Variants in DIAPH3 observed in about 807,000 individuals in gnomAD.
The protein encoded by DIAPH3 is protein diaphanous homolog 3.
DIAPH3 carries 117 observed loss-of-function variants against 144.3 expected under a neutral mutation model. That is an observed-to-expected ratio of 0.81 (90% CI 0.70 to 0.95). The LOEUF (loss-of-function observed/expected upper bound fraction) is 0.95, where lower values mean the gene tolerates loss of function less well. Ranked by LOEUF, DIAPH3 falls within the 40% of genes least tolerant of loss-of-function variation. The pLI is 0.00. For synonymous variants in DIAPH3, 519 were observed against 488.9 expected (o/e 1.06, Z -0.81); for missense variants, 1,421 against 1,412.7 (o/e 1.01, Z -0.09).
In DIAPH3 at chr13:59,727,796, C is replaced by T. The variant is rs988412768; in HGVS notation, c.3319+46393G>A. ...GTCTGTTATTAAAAAGGCCTGGCTG[C>T]GGCTTCATACAGAGGGTCTACCACC... On this transcript the variant is annotated intron_variant, in intron 27 of 27. Coordinates refer to ENST00000400324, the MANE Select transcript of DIAPH3 (RefSeq NM_001042517.2). Among the ~76,000 whole-genome samples, 7 of 152,048 alleles carry T rather than the reference C, an allele frequency of 4.6e-5. 1 individual carries two copies. The highest frequency in any genetic ancestry group is 4.1e-4 in the South Asian group (2 of 4,826).
rs934632187 is a variant in DIAPH3 at position 60,067,829 on chromosome 13, C to A, written c.496-25009G>T. Among the ~76,000 whole-genome samples, 3 of 152,018 alleles carry A rather than the reference C, an allele frequency of 2.0e-5. No individual in the cohort carries two copies. In the East Asian group the frequency reaches 5.8e-4, roughly 29 times the overall value. ...TTGCCTAGCTTTTCTATCTCCTTCC[C>A]GTAATAAAGTAATCCATGTAAAAAG... On this transcript the variant is annotated intron_variant, in intron 4 of 27. Transcript: ENST00000400324.
At chr13:59,759,984 A>AAAC (rs2037494728) in intron 27 of DIAPH3, among the ~76,000 whole-genome samples, 1 of 138,804 alleles carries the variant, frequency 7.2e-6, no homozygotes, top group African/African-American at 2.7e-5. Flanking sequence ...AACAAACAAA[A>AAAC]AGTGATGAAA....
At chr13:59,822,457 T>G (rs2041122170) in intron 24 of DIAPH3, among the ~76,000 whole-genome samples, 1 of 152,202 alleles carries the variant, frequency 6.6e-6, no homozygotes, top group South Asian at 2.1e-4. Context: ...TATTTTTTTT[T>G]GTGAGACGGA....
Position 60,034,114 on chromosome 13 carries a change from C to G in DIAPH3, c.626+8576G>C, listed in dbSNP as rs180987384. Among the ~76,000 whole-genome samples the G allele has an allele frequency of 3.7e-4, 56 of 152,224 alleles. No individual in the cohort carries two copies. In the East Asian group the frequency reaches 9.8e-3, roughly 27 times the overall value. On this transcript the variant is annotated intron_variant, in intron 5 of 27. Coordinates refer to ENST00000400324, the MANE Select transcript of DIAPH3 (RefSeq NM_001042517.2). ...ATACTGATTCTTTGTATGTAGAGTA[C>G]TAATAACTAGAGGCTTTAGTATCTG...
intron 19 of DIAPH3, among the ~76,000 whole-genome samples, chr13:59,913,098 G>A (rs1177063486): frequency 6.6e-6 from 1 of 152,102 alleles, no homozygotes; most frequent in Non-Finnish European, 1.5e-5. Context: ...ACCCATTCTA[G>A]TTGACAGCTG....
intron 27 of DIAPH3, among the ~76,000 whole-genome samples, chr13:59,670,876 A>G (rs967868232): frequency 3.3e-5 from 5 of 151,742 alleles, no homozygotes; most frequent in Admixed American, 6.6e-5. Flanking sequence ...GAGCTACTGC[A>G]CCCGGCCGGA....
chr13:59,680,639 C>A (rs1195024357), intron 27 of DIAPH3, among the ~76,000 whole-genome samples: 2 of 151,826 alleles, frequency 1.3e-5, no homozygotes, highest in Non-Finnish European at 2.9e-5. Context: ...ACGGCTACAC[C>A]TGTCACCAAT....
intron 27 of DIAPH3, among the ~76,000 whole-genome samples, chr13:59,748,796 T>C (rs1385021801): frequency 2.0e-5 from 3 of 152,186 alleles, no homozygotes; most frequent in Non-Finnish European, 4.4e-5. Flanking sequence ...CATTTTATAT[T>C]AGAGGGGGCC....
chr13:59,810,737 A>G (rs962911641), intron 25 of DIAPH3, 51 bp downstream of exon 25: 2 of 1,584,038 alleles, frequency 1.3e-6, no homozygotes, highest in Admixed American at 1.7e-5. Flanking sequence ...AAAGCAGCCC[A>G]TATAAATCTT....
chr13:59,859,047 C>T (rs989779116), intron 22 of DIAPH3, among the ~76,000 whole-genome samples: 6 of 152,018 alleles, frequency 3.9e-5, no homozygotes, highest in South Asian at 2.1e-4. Flanking sequence ...ATATATAACA[C>T]GTGTATAAGA....
intron 17 of DIAPH3, among the ~76,000 whole-genome samples, chr13:59,944,719 A>G (rs2048714843): frequency 6.6e-6 from 1 of 150,844 alleles, no homozygotes; most frequent in South Asian, 2.1e-4. Flanking sequence ...TTTATTATTA[A>G]TGCATAGTTG....
chr13:59,769,778 C>T (rs879827922), intron 27 of DIAPH3, among the ~76,000 whole-genome samples: 11 of 151,962 alleles, frequency 7.2e-5, no homozygotes, highest in Non-Finnish European at 1.3e-4. Flanking sequence ...CATCTGGTAC[C>T]TTAAACTGGG....
At chr13:59,779,781 G>A (rs1183765342) in intron 25 of DIAPH3, among the ~76,000 whole-genome samples, 3 of 151,942 alleles carry the variant, frequency 2.0e-5, no homozygotes, top group Admixed American at 1.3e-4. Flanking sequence ...CAAAGTGCTG[G>A]GATTACAGGC....
intron 21 of DIAPH3, 122 bp downstream of exon 21, chr13:59,879,107 T>C: frequency 7.2e-7 from 1 of 1,391,864 alleles, no homozygotes; most frequent in Non-Finnish European, 9.8e-7. Context: ...GAGTTCATGG[T>C]TCAGTTCAAG....
chr13:60,090,970 A>C (rs1393773312), intron 4 of DIAPH3, among the ~76,000 whole-genome samples: 1 of 152,246 alleles, frequency 6.6e-6, no homozygotes, highest in African/African-American at 2.4e-5. Context: ...CAGTGAATGC[A>C]AACTGAAATA....
intron 24 of DIAPH3, among the ~76,000 whole-genome samples, chr13:59,828,104 C>T (rs1046901723): frequency 2.0e-5 from 3 of 151,948 alleles, no homozygotes; most frequent in Non-Finnish European, 2.9e-5. Flanking sequence ...CGATACGCCA[C>T]CGATTTACTC....
intron 1 of DIAPH3, among the ~76,000 whole-genome samples, chr13:60,137,783 A>G (rs9538571): frequency 0.64 from 93,479 of 146,980 alleles, 30,028 homozygotes; most frequent in Admixed American, 0.72. Context: ...TTGCTCGGTC[A>G]CCCAGGCTGG....
chr13:59,832,628 C>T (rs994278835), intron 24 of DIAPH3, among the ~76,000 whole-genome samples: 1 of 151,730 alleles, frequency 6.6e-6, no homozygotes. Flanking sequence ...AAAGACCTGA[C>T]CTCCCTATTA....
chr13:59,860,547 G>A (rs1178285999), intron 22 of DIAPH3, among the ~76,000 whole-genome samples: 1 of 152,036 alleles, frequency 6.6e-6, no homozygotes, highest in African/African-American at 2.4e-5. Flanking sequence ...GACTATCCTG[G>A]CTAACATGGT....
Sources: gnomAD v4.1 joint callset for allele counts (sites outside exome capture counted in the v4.1 genomes callset) on GRCh38, gnomAD v4.1.1 for gene constraint, MANE v1.5 for transcripts, NCBI Gene and HGNC (gene_info 2026-07-23, HGNC 2026-07-21) for gene names.